The following CDK14 variants were observed in gnomAD, a reference collection of about 807,000 sequenced individuals.
The protein encoded by CDK14 is cyclin dependent kinase 14, also known as cyclin-dependent kinase 14.
Under a neutral mutation model 60.7 loss-of-function variants are expected in CDK14, and 34 were observed. The ratio of observed to expected loss-of-function variants is 0.56; its 90% confidence interval spans 0.43 to 0.75. The LOEUF (loss-of-function observed/expected upper bound fraction) is 0.75. Among genes scored for constraint, CDK14 ranks in the 30% least tolerant of loss-of-function variants. The pLI, the probability that CDK14 is intolerant of heterozygous loss-of-function variation, is 0.00. For missense variants in CDK14, 482 were observed against 564.1 expected, an observed-to-expected ratio of 0.85 and a Z score of 1.47; for synonymous variants, 197 against 203.7, an observed-to-expected ratio of 0.97 and a Z score of 0.28.
At chr7:90,945,459 A>G (rs1794073269) in intron 8 of CDK14, among the ~76,000 whole-genome samples, 1 of 152,146 alleles carries the variant, frequency 6.6e-6, no homozygotes, top group African/African-American at 2.4e-5. Context: ...CAGGCTAGCA[A>G]TAGTGTGGAA....
intron 12 of CDK14, among the ~76,000 whole-genome samples, chr7:91,110,975 T>C (rs1799453441): frequency 6.6e-6 from 1 of 152,176 alleles, no homozygotes. Flanking sequence ...CCCTGTGCCC[T>C]CTTAAAGGGG....
intron 11 of CDK14, among the ~76,000 whole-genome samples, chr7:91,073,394 G>T (rs763221700): frequency 2.1e-4 from 32 of 152,230 alleles, no homozygotes; most frequent in Non-Finnish European, 4.3e-4. Flanking sequence ...TTCATATCCA[G>T]CCAAACTAAG....
intron 2 of CDK14, among the ~76,000 whole-genome samples, chr7:90,649,033 A>C (rs1800529089): frequency 6.6e-6 from 1 of 151,906 alleles, no homozygotes. Context: ...TTCAACTTCA[A>C]CCTCTCCATT....
intron 5 of CDK14, among the ~76,000 whole-genome samples, chr7:90,792,836 T>C (rs1431843255): frequency 2.5e-5 from 3 of 120,454 alleles, no homozygotes; most frequent in African/African-American, 9.2e-5. Context: ...TCAAGTCCTA[T>C]ATGACTGATT....
intron 4 of CDK14, among the ~76,000 whole-genome samples, chr7:90,760,055 G>C (rs1804254484): frequency 6.6e-6 from 1 of 152,160 alleles, no homozygotes; most frequent in East Asian, 1.9e-4. Context: ...GATTGAAAGT[G>C]CCAATCTTCT....
chr7:90,722,799 CG>C (rs1554441083), intron 2 of CDK14, among the ~76,000 whole-genome samples: 3 of 152,076 alleles, frequency 2.0e-5, no homozygotes, highest in Non-Finnish European at 4.4e-5. Flanking sequence ...ATTGTAAGGC[CG>C]TTAAGGCATG....
At chr7:90,609,114 C>G (rs904386947) in intron 2 of CDK14, among the ~76,000 whole-genome samples, 1 of 152,158 alleles carries the variant, frequency 6.6e-6, no homozygotes, top group African/African-American at 2.4e-5. Context: ...GCAGCCTCCA[C>G]CTCCAAGGCC....
At chr7:90,673,367 A>G (rs2116539226) in intron 2 of CDK14, among the ~76,000 whole-genome samples, 1 of 152,296 alleles carries the variant, frequency 6.6e-6, no homozygotes, top group Non-Finnish European at 1.5e-5. Flanking sequence ...GAAAGGCATC[A>G]CTTCACAGAT....
At position 90,841,467 on chromosome 7, in the gene CDK14, C is replaced by T. The variant is rs139213193; in HGVS notation, c.545-21708C>T. ...CATAAAACTGCTCTAAAAATAAAGT[C>T]TATTATTTAAAAATAAAAGTAATAT... On this transcript the variant is annotated intron_variant, in intron 5 of 14. Transcript: ENST00000380050. Among the ~76,000 whole-genome samples the T allele has an allele frequency of 5.5e-4, 84 of 151,874 alleles. 1 individual carries two copies. Among genetic ancestry groups the T allele is most frequent in the African/African-American group, 2.0e-3 (82 of 41,424 alleles).
intron 2 of CDK14, among the ~76,000 whole-genome samples, chr7:90,718,739 G>A (rs184206201): frequency 4.6e-5 from 7 of 152,160 alleles, no homozygotes; most frequent in Admixed American, 1.3e-4. Flanking sequence ...ACATACACAC[G>A]CATACTATTA....
At chr7:90,669,822 G>C (rs1278104085) in intron 2 of CDK14, among the ~76,000 whole-genome samples, 2 of 152,170 alleles carry the variant, frequency 1.3e-5, no homozygotes, top group African/African-American at 4.8e-5. Context: ...ACCTAAAAGT[G>C]AGACAGACAG....
At chr7:90,923,924 G>T (rs897795834) in intron 8 of CDK14, among the ~76,000 whole-genome samples, 1 of 152,178 alleles carries the variant, frequency 6.6e-6, no homozygotes, top group Non-Finnish European at 1.5e-5. Context: ...TGAACACAGT[G>T]GAAGAATTAA....
At chr7:90,647,470 T>C (rs1217357408) in intron 2 of CDK14, among the ~76,000 whole-genome samples, 2 of 151,774 alleles carry the variant, frequency 1.3e-5, no homozygotes, top group African/African-American at 4.8e-5. Flanking sequence ...TTAAAATGAT[T>C]TAAAATCTCT....
chr7:91,029,565 C>T (rs1194644008), intron 10 of CDK14, among the ~76,000 whole-genome samples: 2 of 135,678 alleles, frequency 1.5e-5, no homozygotes, highest in African/African-American at 2.7e-5. Flanking sequence ...CCTGAATGGG[C>T]TTCCTTCTCT....
intron 2 of CDK14, among the ~76,000 whole-genome samples, chr7:90,620,537 C>T (rs548593548): frequency 2.4e-4 from 36 of 152,170 alleles, no homozygotes; most frequent in Non-Finnish European, 2.6e-4. Context: ...CTGTGTGAGG[C>T]CATCTAGTAG....
At chr7:90,754,264 A>G (rs945779431) in intron 4 of CDK14, among the ~76,000 whole-genome samples, 1 of 152,234 alleles carries the variant, frequency 6.6e-6, no homozygotes, top group Non-Finnish European at 1.5e-5. Context: ...ACAGCATGAT[A>G]CTAGTACAAA....
chr7:90,942,508 T>G (rs1352271464), intron 8 of CDK14, among the ~76,000 whole-genome samples: 1 of 152,204 alleles, frequency 6.6e-6, no homozygotes, highest in Non-Finnish European at 1.5e-5. Flanking sequence ...CAGTAATCCT[T>G]GTGAGATTTA....
chr7:90,899,720 A>G (rs1476921918), intron 7 of CDK14, among the ~76,000 whole-genome samples: 1 of 152,120 alleles, frequency 6.6e-6, no homozygotes, highest in East Asian at 1.9e-4. Flanking sequence ...AAGCATCATT[A>G]TGATCCAAAA....
intron 2 of CDK14, among the ~76,000 whole-genome samples, chr7:90,637,786 C>CACT (rs372273673): frequency 8.7e-6 from 1 of 114,758 alleles, no homozygotes; most frequent in South Asian, 3.2e-4. Context: ...CTTTGTAGGT[C>CACT]CTAAGGACTT....
Sources: gnomAD v4.1 joint callset for allele counts (sites outside exome capture counted in the v4.1 genomes callset) on GRCh38, gnomAD v4.1.1 for gene constraint, MANE v1.5 for transcripts, NCBI Gene and HGNC (gene_info 2026-07-23, HGNC 2026-07-21) for gene names.